The following CD207 variants were observed in gnomAD, a reference collection of about 807,000 sequenced individuals.
CD207 encodes C-type lectin domain family 4 member K.
CD207 carries 28 observed loss-of-function variants against 31.6 expected under a neutral mutation model. That is an observed-to-expected ratio of 0.89 (90% CI 0.66 to 1.21). The LOEUF (loss-of-function observed/expected upper bound fraction) is 1.21. Ranked by LOEUF, CD207 falls within the 50% of genes most tolerant of loss-of-function variation. The pLI, the probability that CD207 is intolerant of heterozygous loss-of-function variation, is 0.00. For missense variants in CD207, 388 were observed against 397.8 expected, an observed-to-expected ratio of 0.98 and a Z score of 0.21; for synonymous variants, 168 against 153.9, an observed-to-expected ratio of 1.09 and a Z score of -0.68.
Position 70,835,764 on chromosome 2 carries a change from T to A in CD207, c.13A>T (p.Lys5Ter). 2 of 1,611,908 alleles carry A rather than the reference T, an allele frequency of 1.2e-6. No individual in the cohort carries two copies. The highest frequency in any genetic ancestry group is 1.7e-6 in the Non-Finnish European group (2 of 1,179,080). Residue 5 changes from lysine to a stop codon, truncating the protein, a stop_gained, in exon 1 of 6, where the codon AAG becomes TAG. Coordinates refer to ENST00000410009, the MANE Select transcript of CD207 (RefSeq NM_015717.5). LOFTEE classifies it high-confidence loss of function. The part of the protein sequence containing the change: MTVE[K>*]EAPDAHFTVD... The stretch of plus-strand genomic sequence containing the variant: ...GTGAAGTGCGCATCAGGGGCCTCCT[T>A]CTCCACAGTCATCCTGAGTGCTCAC...
chr2:70,827,230 G>T (rs1220261714), downstream of CD207, among the ~76,000 whole-genome samples: 1 of 152,072 alleles, frequency 6.6e-6, no homozygotes, highest in African/African-American at 2.4e-5. Flanking sequence ...TTCGCTTTAG[G>T]CTCCCACAGA....
In CD207 at chr2:70,835,792, T is replaced by G; in HGVS notation, c.-16A>C. On this transcript the variant is annotated 5_prime_UTR_variant, in exon 1 of 6. Coordinates refer to ENST00000410009, the MANE Select transcript of CD207 (RefSeq NM_015717.5). ...CCACAGTCATCCTGAGTGCTCACCCTTATCCTGGGAGCACAGGTGCTTCTG... is the reference window on the plus strand; with the variant it reads ...CCACAGTCATCCTGAGTGCTCACCCGTATCCTGGGAGCACAGGTGCTTCTG... 6.3e-7 allele frequency: 1 copy of G among 1,598,276 alleles called. No homozygotes were observed. The highest frequency in any genetic ancestry group is 1.1e-5 in the South Asian group (1 of 89,040).
At chr2:70,828,541 G>A (rs1677397302), downstream of CD207, among the ~76,000 whole-genome samples, 2 of 152,208 alleles carry the variant, frequency 1.3e-5, no homozygotes, top group Admixed American at 1.3e-4. Flanking sequence ...AGGATCAGAA[G>A]GGCTGGGAGG....
chr2:70,833,128 G>T, intron 3 of CD207, 77 bp from the exon 4 acceptor site: 1 of 1,401,168 alleles, frequency 7.1e-7, no homozygotes. Context: ...GCACTTGAAT[G>T]AGGTCTCAGA....
Position 70,832,986 on chromosome 2 carries a change from G to C in CD207, c.631C>G (p.Leu211Val), listed in dbSNP as rs868927682. ...YFKGNFYYFSLIPKTWYSAEQ... is the reference protein window; with the variant it reads ...YFKGNFYYFSVIPKTWYSAEQ... The stretch of plus-strand genomic sequence containing the variant: ...GCACTATACCAGGTCTTTGGAATGA[G>C]AGAAAAGTAATAGAAGTTCCCCTTG... Residue 211 changes from leucine (L) to valine (V), a missense_variant, in exon 4 of 6, where the codon CTC becomes GTC. By Grantham distance (32) the Leu-to-Val change is conservative. Transcript: ENST00000410009. The C allele has an allele frequency of 1.9e-6, 3 of 1,613,978 alleles. No individual in the cohort carries two copies. Among genetic ancestry groups the C allele is most frequent in the East Asian group, 2.2e-5 (1 of 44,890 alleles).
At chr2:70,834,696 C>A (rs181881415) in intron 2 of CD207, among the ~76,000 whole-genome samples, 2 of 152,188 alleles carry the variant, frequency 1.3e-5, no homozygotes, top group African/African-American at 2.4e-5. Context: ...GAGGAAAATG[C>A]GATGTTAGAG....
chr2:70,833,511 C>T, intron 3 of CD207, 135 bp downstream of exon 3: 1 of 1,049,266 alleles, frequency 9.5e-7, no homozygotes. Context: ...CTCTCCTTAA[C>T]TTCCTAGCCC....
At chr2:70,831,237 G>T in intron 5 of CD207, 37 bp from the exon 6 acceptor site, 1 of 1,575,850 alleles carries the variant, frequency 6.3e-7, no homozygotes, top group South Asian at 1.2e-5. Flanking sequence ...TTTACAAAGT[G>T]GAAAATCAAA....
In CD207 at chr2:70,833,063, G is replaced by A. The variant is rs901383724; in HGVS notation, c.566-12C>T. On this transcript the variant is annotated splice_polypyrimidine_tract_variant and intron_variant, in intron 3 of 5. Coordinates refer to ENST00000410009, the MANE Select transcript of CD207 (RefSeq NM_015717.5). ...CTGTAGAATATCATCTAGAGAACAA[G>A]AGGTAAAAGTGAACGCTGGTATTCT... The A allele has an allele frequency of 6.2e-7, 1 of 1,613,660 alleles. No individual in the cohort carries two copies. The highest frequency in any genetic ancestry group is 8.5e-7 in the Non-Finnish European group (1 of 1,179,722).
At chr2:70,828,507 A>T (rs916171807), downstream of CD207, among the ~76,000 whole-genome samples, 1 of 152,188 alleles carries the variant, frequency 6.6e-6, no homozygotes, top group Non-Finnish European at 1.5e-5. Context: ...CAGCCTCGTA[A>T]GGTCCCCATG....
rs376428019 is a variant in CD207 at position 70,833,060 on chromosome 2, C to A, written c.566-9G>T. ...CACCTGTAGAATATCATCTAGAGAA[C>A]AAGAGGTAAAAGTGAACGCTGGTAT... On this transcript the variant is annotated splice_polypyrimidine_tract_variant and intron_variant, in intron 3 of 5. Transcript: ENST00000410009. 1.9e-6 allele frequency: 3 copies of A among 1,613,650 alleles called. No individual in the cohort carries two copies. The highest frequency in any genetic ancestry group is 3.3e-5 in the Admixed American group (2 of 59,976).
In CD207 at chr2:70,830,991, C is replaced by A; in HGVS notation, c.*59G>T. ...TCCTGGAGTCTGGGGAAGAAAGAGGCATTTCCTCATGTTTAACAAGCGTTG... is the reference window on the plus strand; with the variant it reads ...TCCTGGAGTCTGGGGAAGAAAGAGGAATTTCCTCATGTTTAACAAGCGTTG... On this transcript the variant is annotated 3_prime_UTR_variant, in exon 6 of 6. Transcript: ENST00000410009. 1 of 1,491,984 alleles carries A rather than the reference C, an allele frequency of 6.7e-7. No homozygotes were observed. Among genetic ancestry groups the A allele is most frequent in the Non-Finnish European group, 9.2e-7 (1 of 1,092,354 alleles). 92.4% of individuals were successfully genotyped at this position (1,491,984 alleles called of 1,614,324 possible). A position where few individuals can be genotyped will look rare whatever the true frequency, so the allele number is the denominator to read the frequency against.
In CD207 at chr2:70,831,058, C is replaced by T; in HGVS notation, c.979G>A (p.Glu327Lys). 1 of 1,613,674 alleles carries T rather than the reference C, an allele frequency of 6.2e-7. No homozygotes were observed. The highest frequency in any genetic ancestry group is 1.3e-5 in the African/African-American group (1 of 75,012). ...FICKRPYVPS[E>K]P ...CTTGGGAGCCTGTCCTGTCACGGTT[C>T]TGATGGGACATAGGGTCGCTTACAA... Residue 327 changes from glutamate (E) to lysine (K), a missense_variant, in exon 6 of 6, where the codon GAA (glutamate) becomes AAA (lysine). By Grantham distance (56) the Glu-to-Lys change is moderately conservative. Coordinates refer to ENST00000410009, the MANE Select transcript of CD207 (RefSeq NM_015717.5).
At chr2:70,829,528 A>G (rs144567708), downstream of CD207, among the ~76,000 whole-genome samples, 11 of 152,280 alleles carry the variant, frequency 7.2e-5, no homozygotes, top group East Asian at 2.1e-3. Context: ...CATTAAGTAG[A>G]AAACTGGGTG....
In CD207 at chr2:70,831,110, G is replaced by A; in HGVS notation, c.927C>T (p.Ala309=). The change falls in exon 6 of 6, where the codon GCC becomes GCT. Residue 309 remains alanine (A), a synonymous_variant. Coordinates refer to ENST00000410009, the MANE Select transcript of CD207 (RefSeq NM_015717.5). ...TGAAAAGAAACGTTTTGTCACATGG[G>A]GCATCATTCCAGGCCTGAAGTGAGG... ...KAPSLQAWND[A]PCDKTFLFIC... 6.2e-7 allele frequency: 1 copy of A among 1,613,784 alleles called. No individual in the cohort carries two copies. The highest frequency in any genetic ancestry group is 1.7e-4 in the Middle Eastern group (1 of 6,060).
chr2:70,831,228 T>C, intron 5 of CD207, 28 bp from the exon 6 acceptor site: 2 of 1,583,506 alleles, frequency 1.3e-6, no homozygotes, highest in Non-Finnish European at 1.7e-6. Flanking sequence ...AAAGATGGAT[T>C]TACAAAGTGG....
chr2:70,832,995 A>C lies in CD207; in HGVS notation c.622T>G (p.Tyr208Asp). The C allele has an allele frequency of 6.2e-7, 1 of 1,613,950 alleles. No homozygotes were observed. Among genetic ancestry groups the C allele is most frequent in the South Asian group, 1.1e-5 (1 of 91,086 alleles). Residue 208 changes from tyrosine (Y) to aspartate (D), a missense_variant, in exon 4 of 6, where the codon TAC becomes GAC. Coordinates refer to ENST00000410009, the MANE Select transcript of CD207 (RefSeq NM_015717.5). ...CAGGTCTTTGGAATGAGAGAAAAGT[A>C]ATAGAAGTTCCCCTTGAAGTACTTC... Reference protein sequence around the residue: ...GWKYFKGNFYYFSLIPKTWYS... With the variant: ...GWKYFKGNFYDFSLIPKTWYS...
rs1056911887 is a variant in CD207, at chr2:70,831,019, G to A, written c.*31C>T. 6 of 1,596,740 alleles carry A rather than the reference G, an allele frequency of 3.8e-6. No individual in the cohort carries two copies. The highest frequency in any genetic ancestry group is 1.3e-5 in the African/African-American group (1 of 74,358). ...TTCCTCATGTTTAACAAGCGTTGGAGCTCAAAGAGTGAGCTTGGGAGCCTG... is the reference window on the plus strand; with the variant it reads ...TTCCTCATGTTTAACAAGCGTTGGAACTCAAAGAGTGAGCTTGGGAGCCTG... On this transcript the variant is annotated 3_prime_UTR_variant, in exon 6 of 6. Transcript: ENST00000410009.
the CD207 span, among the ~76,000 whole-genome samples, chr2:70,824,420 A>T: frequency 6.6e-6 from 1 of 152,166 alleles, no homozygotes; most frequent in East Asian, 1.9e-4. Flanking sequence ...AATATTACTT[A>T]GCTCTCTCAG....
Sources: gnomAD v4.1 joint callset for allele counts (sites outside exome capture counted in the v4.1 genomes callset) on GRCh38, gnomAD v4.1.1 for gene constraint, MANE v1.5 for transcripts, NCBI Gene and HGNC (gene_info 2026-07-23, HGNC 2026-07-21) for gene names.